Variants in MICALL1 observed in about 807,000 individuals in gnomAD.
MICALL1 encodes the protein MICAL like 1, also known as MICAL-like protein 1.
Under a neutral mutation model 83.7 loss-of-function variants are expected in MICALL1, and 61 were observed. The observed-to-expected ratio is 0.73, with a 90% CI of 0.59 to 0.90. MICALL1 has a LOEUF of 0.90. Ranked by LOEUF, MICALL1 falls within the 40% of genes least tolerant of loss-of-function variation. The pLI is 0.00. For synonymous variants in MICALL1, 481 were observed against 473.6 expected (o/e 1.02, Z -0.20); for missense variants, 1,066 against 1,152.0 (o/e 0.93, Z 1.08).
At chr22:37,928,934 C>T (rs1011538522) in intron 9 of MICALL1, among the ~76,000 whole-genome samples, 1 of 152,098 alleles carries the variant, frequency 6.6e-6, no homozygotes, top group African/African-American at 2.4e-5. Flanking sequence ...ACCAGCCTGG[C>T]CAACATGGTG....
chr22:37,917,613 A>T, intron 3 of MICALL1, 94 bp from the exon 4 acceptor site: 2 of 1,141,400 alleles, frequency 1.8e-6, no homozygotes, highest in Non-Finnish European at 2.6e-6. Context: ...CCTTTAGGTG[A>T]TGGCTACAGG....
At chr22:37,914,429 G>A (rs1233583495) in intron 3 of MICALL1, among the ~76,000 whole-genome samples, 1 of 146,740 alleles carries the variant, frequency 6.8e-6, no homozygotes, top group Non-Finnish European at 1.5e-5. Flanking sequence ...GTTTCACCAT[G>A]TTGGCCAGGC....
intron 8 of MICALL1, chr22:37,927,198 A>T: frequency 1.8e-6 from 1 of 550,474 alleles, no homozygotes; most frequent in South Asian, 3.1e-5. Flanking sequence ...GGCAGAACGC[A>T]AGGCGGGCGG....
intron 3 of MICALL1, among the ~76,000 whole-genome samples, chr22:37,916,496 G>A (rs1928685968): frequency 6.6e-6 from 1 of 152,210 alleles, no homozygotes; most frequent in Non-Finnish European, 1.5e-5. Context: ...AGATGGTCCT[G>A]TACTGTACTT....
chr22:37,913,714 A>G (rs1601807396), intron 3 of MICALL1, among the ~76,000 whole-genome samples: 1 of 152,280 alleles, frequency 6.6e-6, no homozygotes, highest in African/African-American at 2.4e-5. Context: ...GAGGGGAAGC[A>G]AGGAGCTCAA....
At chr22:37,934,613 T>C (rs1401819944) in intron 13 of MICALL1, among the ~76,000 whole-genome samples, 1 of 151,564 alleles carries the variant, frequency 6.6e-6, no homozygotes, top group African/African-American at 2.4e-5. Flanking sequence ...TATTTTTTTT[T>C]TGAGACAGAG....
rs372697931 is a variant in MICALL1 at position 37,931,378 on chromosome 22, CA to C, written c.1882-409del. The stretch of plus-strand genomic sequence containing the variant: ...GCAACAAAGTGAGAACCTGTCTTTA[CA>C]AAAAAAAAAAAGTAAATACAAAAAA... On this transcript the variant is annotated intron_variant, in intron 9 of 15. Transcript: ENST00000215957. Among the ~76,000 whole-genome samples, 627 of 138,344 alleles carry C rather than the reference CA, an allele frequency of 4.5e-3. 2 individuals are homozygous for C. The highest frequency in any genetic ancestry group is 0.013 in the African/African-American group (488 of 38,350). The allele number at this position is 138,344 out of a possible 152,430, so 90.8% of individuals were successfully genotyped here. A position where few individuals can be genotyped will look rare whatever the true frequency, so the allele number is the denominator to read the frequency against.
At chr22:37,940,550 G>A (rs1425886921) in intron 15 of MICALL1, among the ~76,000 whole-genome samples, 159 bp from the exon 16 acceptor site, 1 of 152,142 alleles carries the variant, frequency 6.6e-6, no homozygotes, top group Non-Finnish European at 1.5e-5. Flanking sequence ...CAGAGGCTGG[G>A]AAAGGTGAGT....
At position 37,930,679 on chromosome 22, in the gene MICALL1, C is replaced by T. The variant is rs1184145564; in HGVS notation, c.1882-1120C>T. ...GCCGTGCCCTGGCAGTGGAGCTGCC[C>T]GGCCTGTGCTGGCCTCAGAGAGGGC... On this transcript the variant is annotated intron_variant, in intron 9 of 15. Coordinates refer to ENST00000215957, the MANE Select transcript of MICALL1 (RefSeq NM_033386.4). The surrounding 1 kb of genome is among the most constrained non-coding windows in gnomAD (Gnocchi z 4.8). Among the ~76,000 whole-genome samples, 1 of 152,188 alleles carries T rather than the reference C, an allele frequency of 6.6e-6. No homozygotes were observed. Among genetic ancestry groups the T allele is most frequent in the Non-Finnish European group, 1.5e-5 (1 of 68,024 alleles).
At chr22:37,913,477 C>T (rs1254434519) in intron 3 of MICALL1, among the ~76,000 whole-genome samples, 1 of 152,224 alleles carries the variant, frequency 6.6e-6, no homozygotes, top group Admixed American at 6.5e-5. Context: ...TTTGCAGACA[C>T]TTCCTTGGGT....
At position 37,927,544 on chromosome 22, in the gene MICALL1, G is replaced by GCCCAAGAGCTCCTCAGAGCCTGCTGTC. The variant is rs1270276922; in HGVS notation, c.1601_1627dup (p.Pro534_Val542dup). ...CAGAGCTTCTGGAGCCGCCAGCTGTGCCCAAGAGCTCCTCAGAGCCTGCTG... is the reference window on the plus strand; with the variant it reads ...CAGAGCTTCTGGAGCCGCCAGCTGTGCCCAAGAGCTCCTCAGAGCCTGCTGTCCCCAAGAGCTCCTCAGAGCCTGCTG... On this transcript the variant is annotated inframe_insertion, in exon 9 of 16. Coordinates refer to ENST00000215957, the MANE Select transcript of MICALL1 (RefSeq NM_033386.4). 2 of 1,613,718 alleles carry GCCCAAGAGCTCCTCAGAGCCTGCTGTC rather than the reference G, an allele frequency of 1.2e-6. No homozygotes were observed. The highest frequency in any genetic ancestry group is 2.7e-5 in the African/African-American group (2 of 74,934).
intron 2 of MICALL1, 52 bp downstream of exon 2, chr22:37,912,052 TGTG>T: frequency 6.3e-7 from 1 of 1,593,488 alleles, no homozygotes; most frequent in Non-Finnish European, 8.6e-7. Context: ...TGTGTGTGTG[TGTG>T]TGTGTGTGTT....
rs1207920214 is a variant in MICALL1 at position 37,932,353 on chromosome 22, GC to G, written c.2017-199del. Among the ~76,000 whole-genome samples, 1 of 152,204 alleles carries G rather than the reference GC, an allele frequency of 6.6e-6. No individual in the cohort carries two copies. The highest frequency in any genetic ancestry group is 1.5e-5 in the Non-Finnish European group (1 of 68,036). ...GCCACCTTCTGGAGTGTCTGTTGGT[GC>G]TGGGACCAGTGGCATGCAGGGTTGT... On this transcript the variant is annotated intron_variant, in intron 10 of 15. Transcript: ENST00000215957. This position sits in a 1 kb window ranked among gnomAD's most constrained non-coding sequence, Gnocchi z 4.4.
At position 37,906,483 on chromosome 22, in the gene MICALL1, G is replaced by T; in HGVS notation, c.61G>T (p.Gly21Cys). ...WCRRQCEGYR[G>C]VEIRDLSSSF... Reference sequence around the variant, plus strand: ...CCGCCGCCAGTGCGAGGGCTACCGCGGCGTGGAGATCCGCGACCTGAGCAG... The same window carrying T: ...CCGCCGCCAGTGCGAGGGCTACCGCTGCGTGGAGATCCGCGACCTGAGCAG... Residue 21 changes from glycine to cysteine, a missense_variant, in exon 1 of 16, where the codon GGC becomes TGC. Gly to Cys is a radical substitution (Grantham distance 159, BLOSUM62 -3). Coordinates refer to ENST00000215957, the MANE Select transcript of MICALL1 (RefSeq NM_033386.4). The surrounding 1 kb of genome is among the most constrained non-coding windows in gnomAD (Gnocchi z 4.4). The T allele has an allele frequency of 8.0e-7, 1 of 1,251,768 alleles. No individual in the cohort carries two copies. The highest frequency in any genetic ancestry group is 1.0e-6 in the Non-Finnish European group (1 of 987,160). The allele number at this position is 1,251,768 out of a possible 1,614,324, so 77.5% of individuals were successfully genotyped here.
chr22:37,925,877 C>G lies in MICALL1; in HGVS notation c.1299C>G (p.Asp433Glu), dbSNP rs766528261. 1.1e-5 allele frequency: 17 copies of G among 1,613,390 alleles called. No homozygotes were observed. The highest frequency in any genetic ancestry group is 2.2e-5 in the South Asian group (2 of 91,032). The change falls in exon 8 of 16, where the codon GAC becomes GAG. Residue 433 changes from aspartate (D) to glutamate (E), a missense_variant. Coordinates refer to ENST00000215957, the MANE Select transcript of MICALL1 (RefSeq NM_033386.4). Reference sequence around the variant, plus strand: ...ACCCCTTTGAGGAGGAGGAGGAGGACAAGGAGGAAGAGGCTCCAGCTGCAC... The same window carrying G: ...ACCCCTTTGAGGAGGAGGAGGAGGAGAAGGAGGAAGAGGCTCCAGCTGCAC... Reference protein sequence around the residue: ...PYNPFEEEEEDKEEEAPAAPS... With the variant: ...PYNPFEEEEEEKEEEAPAAPS...
chr22:37,912,339 TCACCACCCCAGGC>T lies in MICALL1; in HGVS notation c.196-10_198del, dbSNP rs774846556. ...TCGGCTGCTCCCGCCCTTGTACCTG[TCACCACCCCAGGC>T]CTTTGAAGTGGCTGAGAAGGAGCTG... On this transcript the variant is annotated splice_acceptor_variant and splice_polypyrimidine_tract_variant and coding_sequence_variant and intron_variant, in exon 3 of 16. Coordinates refer to ENST00000215957, the MANE Select transcript of MICALL1 (RefSeq NM_033386.4). LOFTEE classifies it high-confidence loss of function. 8.7e-6 allele frequency: 14 copies of T among 1,600,680 alleles called. No individual in the cohort carries two copies. Among genetic ancestry groups the T allele is most frequent in the Admixed American group, 8.5e-5 (5 of 58,494 alleles).
rs1569143446 is a variant in MICALL1, at chr22:37,925,649, C to CG, written c.1083-12_1083-11insG. The CG allele has an allele frequency of 3.8e-6, 6 of 1,585,364 alleles. No homozygotes were observed. The highest frequency in any genetic ancestry group is 5.2e-6 in the Non-Finnish European group (6 of 1,161,542). ...TCTGCTAATGGTTTCTGCTGCTTCC[C>CG]CCCTCCTCCAGGACACCAGCCCCCA... On this transcript the variant is annotated splice_polypyrimidine_tract_variant and intron_variant, in intron 7 of 15. Transcript: ENST00000215957.
intron 9 of MICALL1, 33 bp downstream of exon 9, chr22:37,927,859 A>G: frequency 6.4e-7 from 1 of 1,567,564 alleles, no homozygotes; most frequent in Non-Finnish European, 8.7e-7. Flanking sequence ...TAAAAGTGAC[A>G]TCCTCTCTAG....
Position 37,924,631 on chromosome 22 carries a change from G to A in MICALL1, c.1025-29G>A. On this transcript the variant is annotated intron_variant, in intron 6 of 15. Transcript: ENST00000215957. This position sits in a 1 kb window ranked among gnomAD's most constrained non-coding sequence, Gnocchi z 5.2. Reference sequence around the variant, plus strand: ...GTGCCCACCTCCTGCTGCCCATGAAGGCCTGGCTCACTCTCCTTTCCCATC... The same window carrying A: ...GTGCCCACCTCCTGCTGCCCATGAAAGCCTGGCTCACTCTCCTTTCCCATC... 6.2e-7 allele frequency: 1 copy of A among 1,603,758 alleles called. No individual in the cohort carries two copies. The highest frequency in any genetic ancestry group is 2.3e-5 in the East Asian group (1 of 44,140).
Sources: allele counts gnomAD v4.1 joint callset (sites outside exome capture counted in the v4.1 genomes callset), GRCh38; gene constraint gnomAD v4.1.1; non-coding constraint Gnocchi (gnomAD v3.1); transcripts MANE v1.5; gene names NCBI Gene and HGNC (gene_info 2026-07-23, HGNC 2026-07-21).